Variants in ST6GAL1 observed in about 807,000 individuals in gnomAD.
ST6GAL1 encodes the protein ST6 beta-galactoside alpha-2,6-sialyltransferase 1, also known as beta-galactoside alpha-2,6-sialyltransferase 1.
A neutral mutation model predicts 38.0 loss-of-function variants in ST6GAL1; 20 were observed. The ratio of observed to expected loss-of-function variants is 0.53; its 90% CI spans 0.37 to 0.77. The LOEUF (loss-of-function observed/expected upper bound fraction) is 0.77, where lower values mean the gene tolerates loss of function less well. ST6GAL1 is among the 30% of genes least tolerant of loss of function. The pLI, the probability that ST6GAL1 is intolerant of heterozygous loss-of-function variation, is 0.00. For missense variants in ST6GAL1, 432 were observed against 496.4 expected (o/e 0.87, Z 1.23); for synonymous variants, 196 against 188.2 (o/e 1.04, Z -0.34).
At chr3:186,969,197 AC>A (rs1277579014) in intron 2 of ST6GAL1, among the ~76,000 whole-genome samples, 1 of 26,938 alleles carries the variant, frequency 3.7e-5, no homozygotes, top group African/African-American at 1.1e-4. Context: ...GATTACAGGC[AC>A]CTGGCCACCA....
At chr3:187,028,958 C>T (rs534644008) in intron 2 of ST6GAL1, among the ~76,000 whole-genome samples, 6 of 152,006 alleles carry the variant, frequency 3.9e-5, no homozygotes, top group South Asian at 2.1e-4. Context: ...TGGTGGTGCA[C>T]GCCTGTGATC....
In ST6GAL1 at chr3:187,006,747, G is replaced by A. The variant is rs186369112; in HGVS notation, c.-182-31995G>A. On this transcript the variant is annotated intron_variant, in intron 2 of 7. Coordinates refer to ENST00000169298, the MANE Select transcript of ST6GAL1 (RefSeq NM_173216.2). Reference sequence around the variant, plus strand: ...AAAGTCCACTTTTAACCACCATTGTGCTTCTTGATTAAGTTTGATTTCATT... The same window carrying A: ...AAAGTCCACTTTTAACCACCATTGTACTTCTTGATTAAGTTTGATTTCATT... Among the ~76,000 whole-genome samples the A allele has an allele frequency of 7.9e-5, 12 of 152,278 alleles. No individual in the cohort carries two copies. In the East Asian group the frequency reaches 9.6e-4, roughly 12 times the overall value.
chr3:187,066,006 A>T (rs2108598395), intron 5 of ST6GAL1, among the ~76,000 whole-genome samples: 1 of 151,696 alleles, frequency 6.6e-6, no homozygotes, highest in Non-Finnish European at 1.5e-5. Context: ...ACTTTAAATC[A>T]CCAAAGCTTT....
chr3:186,972,154 C>G (rs1412661837), intron 2 of ST6GAL1, among the ~76,000 whole-genome samples: 1 of 152,122 alleles, frequency 6.6e-6, no homozygotes, highest in Admixed American at 6.5e-5. Flanking sequence ...ATAGAGAGGT[C>G]TCATAGCTAG....
chr3:187,073,209 A>C (rs1579387860), intron 6 of ST6GAL1, among the ~76,000 whole-genome samples: 1 of 152,216 alleles, frequency 6.6e-6, no homozygotes, highest in Non-Finnish European at 1.5e-5. Context: ...TGGAGTTCCC[A>C]GCATCTGGGG....
At chr3:186,946,052 AT>A (rs1235158082) in intron 1 of ST6GAL1, among the ~76,000 whole-genome samples, 1 of 151,262 alleles carries the variant, frequency 6.6e-6, no homozygotes, top group Non-Finnish European at 1.5e-5. Context: ...CATGCCTGTA[AT>A]CCCAGCACTT....
chr3:187,028,518 T>C (rs1717624607), intron 2 of ST6GAL1, among the ~76,000 whole-genome samples: 1 of 152,236 alleles, frequency 6.6e-6, no homozygotes, highest in African/African-American at 2.4e-5. Flanking sequence ...AGTAGATTTT[T>C]AAAGTAGATT....
Position 187,075,455 on chromosome 3 carries a change from G to A in ST6GAL1, c.980-107G>A. 1.3e-6 allele frequency: 2 copies of A among 1,504,190 alleles called. No homozygotes were observed. Among genetic ancestry groups the A allele is most frequent in the Non-Finnish European group, 1.8e-6 (2 of 1,114,756 alleles). 93.2% of individuals were successfully genotyped at this position (1,504,190 alleles called of 1,614,324 possible). A position where few individuals can be genotyped will look rare whatever the true frequency, so the allele number is the denominator to read the frequency against. On this transcript the variant is annotated intron_variant, in intron 7 of 7. Transcript: ENST00000169298. The surrounding 1 kb of genome is among the most constrained non-coding windows in gnomAD (Gnocchi z 4.1). ...ACAGTCATAAATAGAAACTCCAGAG[G>A]GAAAGCTCTCCAAATTTGGGGTCAT... is the stretch of plus-strand genomic sequence containing the variant.
chr3:186,984,801 T>TTCTCTCCC (rs1560151098), intron 2 of ST6GAL1, among the ~76,000 whole-genome samples: 1 of 30,732 alleles, frequency 3.3e-5, no homozygotes, highest in Non-Finnish European at 6.8e-5. Flanking sequence ...CCTTCCTTCC[T>TTCTCTCCC]TCCATCCTTC....
At chr3:187,039,946 G>C (rs143844991) in intron 3 of ST6GAL1, among the ~76,000 whole-genome samples, 38 of 152,292 alleles carry the variant, frequency 2.5e-4, no homozygotes, top group African/African-American at 8.7e-4. Context: ...CAAGACTGTC[G>C]CTAGACCCAG....
At chr3:186,949,234 T>C (rs1714492538) in intron 1 of ST6GAL1, among the ~76,000 whole-genome samples, 1 of 152,086 alleles carries the variant, frequency 6.6e-6, no homozygotes, top group African/African-American at 2.4e-5. Context: ...GGAACCAGGG[T>C]CATAGGAATT....
intron 4 of ST6GAL1, among the ~76,000 whole-genome samples, chr3:187,050,636 G>A (rs896261393): frequency 2.6e-5 from 4 of 151,850 alleles, no homozygotes; most frequent in African/African-American, 7.3e-5. Context: ...GAGAGAGGAA[G>A]GAAGTTAGTT....
At chr3:186,931,117 A>G (rs2041966) in intron 1 of ST6GAL1, 25,646 of 151,222 alleles carry the variant, frequency 0.17, 2,606 homozygotes, top group East Asian at 0.31. Context: ...GCCCCGGGGA[A>G]CACGGATTTC....
intron 2 of ST6GAL1, among the ~76,000 whole-genome samples, chr3:187,003,521 G>T (rs555513209): frequency 3.9e-5 from 6 of 152,258 alleles, no homozygotes; most frequent in Admixed American, 6.5e-5. Flanking sequence ...GATCAGCATG[G>T]TATATATCCT....
At position 186,979,206 on chromosome 3, in the gene ST6GAL1, G is replaced by A. The variant is rs376481281; in HGVS notation, c.-183+15280G>A. ...AGTCACAGGTGGCCCCACTTTAACT[G>A]AAATGTTAGGTTAGGTTGGGGGAAT... is the stretch of plus-strand genomic sequence containing the variant. On this transcript the variant is annotated intron_variant, in intron 2 of 7. Coordinates refer to ENST00000169298, the MANE Select transcript of ST6GAL1 (RefSeq NM_173216.2). Among the ~76,000 whole-genome samples the A allele has an allele frequency of 4.7e-4, 71 of 152,214 alleles. 1 individual carries two copies. In the South Asian group the frequency reaches 0.014, roughly 30 times the overall value.
At chr3:186,965,443 C>A (rs1221169193) in intron 2 of ST6GAL1, among the ~76,000 whole-genome samples, 1 of 152,208 alleles carries the variant, frequency 6.6e-6, no homozygotes, top group African/African-American at 2.4e-5. Flanking sequence ...CCTCTGCTTC[C>A]TGAATCTCTT....
chr3:187,074,029 A>T lies in ST6GAL1; in HGVS notation c.805-130A>T, dbSNP rs2268526. 4 of 777,278 alleles carry T rather than the reference A, an allele frequency of 5.1e-6. No individual in the cohort carries two copies. The East Asian group carries it at 9.1e-5, about 18-fold the overall frequency. 48.1% of individuals were successfully genotyped at this position (777,278 alleles called of 1,614,324 possible). On this transcript the variant is annotated intron_variant, in intron 6 of 7. Coordinates refer to ENST00000169298, the MANE Select transcript of ST6GAL1 (RefSeq NM_173216.2). ...GAAACCTGTAGTCTGCTGCAAGAAA[A>T]GGGCTGTGCCTCAGGAGCAACACTT...
At chr3:186,981,517 T>G (rs996629421) in intron 2 of ST6GAL1, among the ~76,000 whole-genome samples, 2 of 152,198 alleles carry the variant, frequency 1.3e-5, no homozygotes, top group Admixed American at 6.5e-5. Context: ...CATGAAGTCT[T>G]CTCTGTAGCT....
intron 1 of ST6GAL1, among the ~76,000 whole-genome samples, chr3:186,954,120 T>C (rs1305290765): frequency 6.6e-6 from 1 of 152,212 alleles, no homozygotes; most frequent in Admixed American, 6.5e-5. Flanking sequence ...CTGAGGATAA[T>C]GGCTTCCAGC....
Sources: allele counts gnomAD v4.1 joint callset (sites outside exome capture counted in the v4.1 genomes callset), GRCh38; gene constraint gnomAD v4.1.1; non-coding constraint Gnocchi (gnomAD v3.1); transcripts MANE v1.5; gene names NCBI Gene and HGNC (gene_info 2026-07-23, HGNC 2026-07-21).